Variants in SUMF1 observed in about 807,000 individuals in gnomAD.
The protein encoded by SUMF1 is formylglycine-generating enzyme.
Under a neutral mutation model 47.6 loss-of-function variants are expected in SUMF1, and 48 were observed. The observed-to-expected ratio is 1.01, with a 90% CI of 0.80 to 1.28. SUMF1 has a LOEUF of 1.28. Ranked by LOEUF, SUMF1 falls within the 50% of genes most tolerant of loss-of-function variation. SUMF1 has a pLI of 0.00. For missense variants in SUMF1, 571 were observed against 485.4 expected (o/e 1.18, Z -1.66); for synonymous variants, 230 against 192.1 (o/e 1.20, Z -1.63).
chr3:4,365,608 GTC>G (rs1200664245), intron 8 of SUMF1, among the ~76,000 whole-genome samples: 1 of 145,820 alleles, frequency 6.9e-6, no homozygotes, highest in African/African-American at 2.5e-5. Context: ...GCCTATGTGT[GTC>G]TCTGCACGTG....
intron 8 of SUMF1, chr3:4,313,141 C>G (rs1387202324): frequency 6.2e-7 from 1 of 1,613,982 alleles, no homozygotes. Flanking sequence ...CAGAGTGGTC[C>G]AGAAAGGTCT....
At chr3:4,408,398 A>G (rs1701438759) in intron 7 of SUMF1, among the ~76,000 whole-genome samples, 1 of 152,222 alleles carries the variant, frequency 6.6e-6, no homozygotes, top group Non-Finnish European at 1.5e-5. Context: ...ACAGTTATCT[A>G]TTACACTATT....
chr3:4,274,964 C>T (rs1185777947), intron 8 of SUMF1, among the ~76,000 whole-genome samples: 2 of 152,114 alleles, frequency 1.3e-5, no homozygotes, highest in East Asian at 3.9e-4. Context: ...TCAAACAGGC[C>T]TGATGAAGCC....
chr3:4,430,970 A>G (rs1702215357), intron 3 of SUMF1, among the ~76,000 whole-genome samples: 1 of 152,240 alleles, frequency 6.6e-6, no homozygotes. Context: ...AAAGATCTTC[A>G]GAACCTTAGA....
chr3:4,121,831 G>A (rs1693551299), intron 8 of SUMF1, among the ~76,000 whole-genome samples: 1 of 151,964 alleles, frequency 6.6e-6, no homozygotes, highest in African/African-American at 2.4e-5. Flanking sequence ...TAAGCCTAAT[G>A]CCCATTAGTT....
intron 8 of SUMF1, among the ~76,000 whole-genome samples, chr3:4,128,561 T>G (rs1016726085): frequency 6.6e-6 from 1 of 152,074 alleles, no homozygotes; most frequent in Non-Finnish European, 1.5e-5. Flanking sequence ...TACATTCTCC[T>G]CAGGAGCCAT....
intron 8 of SUMF1, among the ~76,000 whole-genome samples, chr3:4,229,745 G>T (rs1696255372): frequency 6.6e-6 from 1 of 152,206 alleles, no homozygotes; most frequent in Non-Finnish European, 1.5e-5. Flanking sequence ...CAGGCACAGT[G>T]GCTCATGTCT....
intron 9 of SUMF1, among the ~76,000 whole-genome samples, chr3:4,048,936 C>T (rs897344281): frequency 6.6e-6 from 1 of 152,008 alleles, no homozygotes; most frequent in Non-Finnish European, 1.5e-5. Flanking sequence ...CTGTCTGTAC[C>T]ATTTGAAACT....
chr3:4,174,916 A>G (rs1694924372), intron 8 of SUMF1, among the ~76,000 whole-genome samples: 1 of 152,226 alleles, frequency 6.6e-6, no homozygotes, highest in Non-Finnish European at 1.5e-5. Flanking sequence ...CACACCCACG[A>G]AGCCTTGCTC....
At chr3:4,035,652 C>CA (rs547217871) in intron 9 of SUMF1, among the ~76,000 whole-genome samples, 131 of 152,288 alleles carry the variant, frequency 8.6e-4, no homozygotes, top group African/African-American at 3.1e-3. Flanking sequence ...GATAGATAGA[C>CA]AGAGACCAGT....
At chr3:4,362,862 C>T (rs182851472) in intron 8 of SUMF1, among the ~76,000 whole-genome samples, 3 of 151,964 alleles carry the variant, frequency 2.0e-5, no homozygotes, top group South Asian at 2.1e-4. Context: ...TGCAGTACAC[C>T]ATCACTGAGC....
chr3:4,204,188 C>T (rs1208004265), intron 8 of SUMF1, among the ~76,000 whole-genome samples: 1 of 152,030 alleles, frequency 6.6e-6, no homozygotes, highest in Non-Finnish European at 1.5e-5. Flanking sequence ...GACAAAACTT[C>T]TTGGCTTTTG....
chr3:4,197,325 G>A (rs1695450564), intron 8 of SUMF1, among the ~76,000 whole-genome samples: 1 of 151,984 alleles, frequency 6.6e-6, no homozygotes, highest in Admixed American at 6.6e-5. Context: ...GTGTTGCCCA[G>A]TATGGGCTCA....
At chr3:4,174,085 G>A (rs1017644362) in intron 8 of SUMF1, among the ~76,000 whole-genome samples, 3 of 151,996 alleles carry the variant, frequency 2.0e-5, no homozygotes, top group Non-Finnish European at 4.4e-5. Context: ...GGCCAGGCAC[G>A]GTGGCTCACG....
intron 2 of SUMF1, among the ~76,000 whole-genome samples, chr3:4,450,045 C>T (rs904012301): frequency 1.3e-5 from 2 of 152,178 alleles, no homozygotes; most frequent in African/African-American, 4.8e-5. Flanking sequence ...CTGCCCTTGG[C>T]TCTCTGCAAT....
At chr3:4,061,693 T>C (rs1695278937) in intron 9 of SUMF1, among the ~76,000 whole-genome samples, 1 of 151,890 alleles carries the variant, frequency 6.6e-6, no homozygotes, top group South Asian at 2.1e-4. Flanking sequence ...ATAAGGGAGG[T>C]ACAGAAACAG....
At chr3:4,397,844 C>G (rs1233813917) in intron 7 of SUMF1, among the ~76,000 whole-genome samples, 1 of 152,042 alleles carries the variant, frequency 6.6e-6, no homozygotes, top group Non-Finnish European at 1.5e-5. Context: ...TCATAGCTTG[C>G]TAGCTTATTT....
intron 8 of SUMF1, among the ~76,000 whole-genome samples, chr3:4,226,498 G>A (rs1303107948): frequency 1.3e-5 from 2 of 151,776 alleles, no homozygotes; most frequent in Non-Finnish European, 2.9e-5. Flanking sequence ...TCGATCCCTT[G>A]ACCTCATGAT....
chr3:4,467,265 G>T lies in SUMF1; in HGVS notation c.-20C>A. Reference sequence around the variant, plus strand: ...AGCCATGTTGTCCCGCGGGCCATGTGACCCGGTTGGTCACGTGGCTGAGCC... The same window carrying T: ...AGCCATGTTGTCCCGCGGGCCATGTTACCCGGTTGGTCACGTGGCTGAGCC... On this transcript the variant is annotated 5_prime_UTR_variant, in exon 1 of 9. Coordinates refer to ENST00000272902, the MANE Select transcript of SUMF1 (RefSeq NM_182760.4). 1.9e-6 allele frequency: 3 copies of T among 1,602,604 alleles called. No individual in the cohort carries two copies. The highest frequency in any genetic ancestry group is 1.1e-5 in the South Asian group (1 of 88,878).
Sources: gnomAD v4.1 joint callset for allele counts (sites outside exome capture counted in the v4.1 genomes callset) on GRCh38, gnomAD v4.1.1 for gene constraint, MANE v1.5 for transcripts, NCBI Gene and HGNC (gene_info 2026-07-23, HGNC 2026-07-21) for gene names.